MATR3: variants seen among roughly 807,000 people sequenced by gnomAD.
The protein encoded by MATR3 is matrin 3.
MATR3 carries 4 observed loss-of-function variants against 85.5 expected under a neutral mutation model. The ratio of observed to expected loss-of-function variants is 0.05; its 90% CI spans 0.02 to 0.11. MATR3 has a LOEUF of 0.11. Ranked by LOEUF, MATR3 falls within the 10% of genes least tolerant of loss-of-function variation. The pLI is 1.00. For synonymous variants in MATR3, 336 were observed against 343.1 expected (o/e 0.98, Z 0.23); for missense variants, 685 against 1,016.1 (o/e 0.67, Z 4.43).
At position 139,330,459 on chromosome 5, in the gene MATR3, G is replaced by T. The variant is rs1353869654; in HGVS notation, c.*1064G>T. On this transcript the variant is annotated 3_prime_UTR_variant, in exon 15 of 15. Transcript: ENST00000394805. ...TTAACCAACGTATTTGTCAGTTGTG[G>T]TTTTTATTCGCTCTTAAACTTTGTG... The T allele has an allele frequency of 6.6e-6, 3 of 454,270 alleles. No individual in the cohort carries two copies. Among genetic ancestry groups the T allele is most frequent in the Non-Finnish European group, 1.3e-5 (3 of 226,790 alleles). 28.1% of individuals were successfully genotyped at this position (454,270 alleles called of 1,614,324 possible).
chr5:139,279,692 TG>T (rs1753443078), intron 3 of MATR3: 1 of 153,416 alleles, frequency 6.5e-6, no homozygotes, highest in African/African-American at 2.4e-5. Context: ...TTAGTAGAGA[TG>T]GGGTTTCACC....
In MATR3 at chr5:139,325,501, A is replaced by G; in HGVS notation, c.2210A>G (p.Asn737Ser). The change falls in exon 13 of 15, where the codon AAT (asparagine) becomes AGT (serine). Residue 737 changes from asparagine (N) to serine (S), a missense_variant. Asn to Ser is a conservative substitution (Grantham distance 46). Around this residue, in one of 9 missense-constraint regions of MATR3, gnomAD observed 215 missense variants for 194.7 expected, o/e 1.10. Transcript: ENST00000394805. ...GCAGCGTTGGAAAATGGAATTAAAA[A>G]TGAGGAAAACACAGAACCAGGTGCT... ...NEAALENGIK[N>S]EENTEPGAES... The G allele has an allele frequency of 6.2e-7, 1 of 1,614,226 alleles. No individual in the cohort carries two copies. Among genetic ancestry groups the G allele is most frequent in the Non-Finnish European group, 8.5e-7 (1 of 1,180,028 alleles).
At chr5:139,328,407 G>C (rs1755966064) in intron 14 of MATR3, among the ~76,000 whole-genome samples, 1 of 152,116 alleles carries the variant, frequency 6.6e-6, no homozygotes, top group Admixed American at 6.6e-5. Context: ...TTTTAGGTTA[G>C]ATTTTTTAAT....
chr5:139,315,953 C>A, intron 4 of MATR3, 123 bp from the exon 5 acceptor site: 2 of 834,642 alleles, frequency 2.4e-6, no homozygotes, highest in South Asian at 1.4e-5. Context: ...CTAGTTACTT[C>A]ACAGATACTC....
Position 139,329,341 on chromosome 5 carries a change from A to T in MATR3, c.2494-4A>T. 1 of 1,608,728 alleles carries T rather than the reference A, an allele frequency of 6.2e-7. No individual in the cohort carries two copies. Among genetic ancestry groups the T allele is most frequent in the Non-Finnish European group, 8.5e-7 (1 of 1,175,568 alleles). ...TTAATGGCTGTAATTCTCTTTCTTT[A>T]TAGAAATTTCTGAATAAATTGGCAG... is the stretch of plus-strand genomic sequence containing the variant. On this transcript the variant is annotated splice_region_variant and splice_polypyrimidine_tract_variant and intron_variant, in intron 14 of 14. Transcript: ENST00000394805.
At chr5:139,296,102 A>G (rs1223827563) in intron 1 of MATR3, among the ~76,000 whole-genome samples, 1 of 152,220 alleles carries the variant, frequency 6.6e-6, no homozygotes, top group African/African-American at 2.4e-5. Context: ...TAGGCTTAAA[A>G]TGGAAAGACT....
At chr5:139,293,109 A>T (rs1424772625), upstream of MATR3, among the ~76,000 whole-genome samples, 1 of 152,206 alleles carries the variant, frequency 6.6e-6, no homozygotes, top group Non-Finnish European at 1.5e-5. Context: ...AAAATAAAAA[A>T]GTTAGCTGGC....
At chr5:139,285,027 A>G (rs908064855) in intron 3 of MATR3, among the ~76,000 whole-genome samples, 1 of 152,198 alleles carries the variant, frequency 6.6e-6, no homozygotes, top group Admixed American at 6.5e-5. Flanking sequence ...TACAAGGTAC[A>G]TGTTACTTGC....
At chr5:139,278,851 CTG>C (rs780839683) in intron 2 of MATR3, 3 of 517,284 alleles carry the variant, frequency 5.8e-6, no homozygotes, top group Non-Finnish European at 1.2e-5. Context: ...AGAGCAAACA[CTG>C]TCTTTATTGA....
At chr5:139,276,693 G>A (rs1386173319) in intron 2 of MATR3, among the ~76,000 whole-genome samples, 1 of 152,116 alleles carries the variant, frequency 6.6e-6, no homozygotes, top group Non-Finnish European at 1.5e-5. Context: ...AGACGGAAAA[G>A]TCACACCTTT....
intron 9 of MATR3, among the ~76,000 whole-genome samples, chr5:139,319,775 C>T (rs536539223): frequency 2.3e-4 from 31 of 136,918 alleles, no homozygotes; most frequent in African/African-American, 7.0e-4. Context: ...TGGCAGGGGG[C>T]GGAGGTTGCA....
chr5:139,284,423 G>GA (rs112451413), intron 3 of MATR3, among the ~76,000 whole-genome samples: 13 of 152,230 alleles, frequency 8.5e-5, no homozygotes, highest in African/African-American at 2.9e-4. Context: ...CCAACATGGT[G>GA]AAACCCCGTC....
rs188921823 is a variant in MATR3, at chr5:139,281,885, T to A, written c.-178+2756T>A. On this transcript the variant is annotated intron_variant, in intron 3 of 16. Coordinates refer to ENST00000509990, the Ensembl canonical transcript of MATR3. ...ACACCCCCACCAACCTTGAATTTTT[T>A]AAAAAATGAGGGAACCACAATTAAT... is the stretch of plus-strand genomic sequence containing the variant. Among the ~76,000 whole-genome samples the A allele has an allele frequency of 1.1e-4, 17 of 152,280 alleles. No individual in the cohort carries two copies. The East Asian group carries it at 3.3e-3, about 29-fold the overall frequency.
chr5:139,278,623 T>G, intron 2 of MATR3: 1 of 359,766 alleles, frequency 2.8e-6, no homozygotes, highest in Non-Finnish European at 5.6e-6. Flanking sequence ...ATAAAACAAC[T>G]GAAAACACAG....
At chr5:139,317,155 T>C in intron 6 of MATR3, 50 bp downstream of exon 6, 5 of 1,550,268 alleles carry the variant, frequency 3.2e-6, no homozygotes, top group Non-Finnish European at 4.5e-6. Context: ...TTTGGGAATA[T>C]GATTTGACCT....
chr5:139,281,830 G>A (rs1471463203), intron 3 of MATR3, among the ~76,000 whole-genome samples: 1 of 151,960 alleles, frequency 6.6e-6, no homozygotes, highest in Non-Finnish European at 1.5e-5. Flanking sequence ...CATATTAAGA[G>A]GAAAAACTAA....
At chr5:139,320,572 C>G (rs970466052) in intron 9 of MATR3, among the ~76,000 whole-genome samples, 1 of 152,124 alleles carries the variant, frequency 6.6e-6, no homozygotes, top group African/African-American at 2.4e-5. Context: ...CACTGTACTT[C>G]AGCATAGGCA....
chr5:139,319,697 A>C (rs2151997366), intron 9 of MATR3, among the ~76,000 whole-genome samples, 196 bp downstream of exon 9: 1 of 151,666 alleles, frequency 6.6e-6, no homozygotes, highest in South Asian at 2.1e-4. Flanking sequence ...AAAATACAAA[A>C]ATTATCCAGG....
intron 5 of MATR3, among the ~76,000 whole-genome samples, chr5:139,316,612 A>G (rs1274044781): frequency 2.0e-5 from 3 of 151,946 alleles, no homozygotes; most frequent in Non-Finnish European, 4.4e-5. Context: ...TAACGGTGCA[A>G]TCTCTGCTCA....
Sources: allele counts gnomAD v4.1 joint callset (sites outside exome capture counted in the v4.1 genomes callset), GRCh38; gene constraint gnomAD v4.1.1; regional missense constraint gnomAD v4.1.1; transcripts MANE v1.5; gene names NCBI Gene and HGNC (gene_info 2026-07-23, HGNC 2026-07-21).